Variants in ANO1 observed in about 807,000 individuals in gnomAD.
The protein encoded by ANO1 is anoctamin 1.
In ANO1, 59 loss-of-function variants were observed where a neutral mutation model predicts 124.0. That is an observed-to-expected ratio of 0.48 (90% CI 0.39 to 0.59). ANO1 has a LOEUF of 0.59. Among genes scored for constraint, ANO1 ranks in the 20% least tolerant of loss-of-function variants. The pLI is 0.00. For synonymous variants in ANO1, 529 were observed against 532.0 expected (o/e 0.99, Z 0.08); for missense variants, 1,059 against 1,328.0 (o/e 0.80, Z 3.15).
intron 1 of ANO1, among the ~76,000 whole-genome samples, chr11:70,047,278 T>C (rs1857276235): frequency 6.6e-6 from 1 of 151,996 alleles, no homozygotes; most frequent in Non-Finnish European, 1.5e-5. Flanking sequence ...TAAAGAAAAT[T>C]GGGTGTTGGG....
chr11:70,132,048 G>T lies in ANO1; in HGVS notation c.1227G>T (p.Thr409=), dbSNP rs374544085. ...RASHLFDNPA[T]VFFSVFMALW... ...GCCACCTCTTCGACAACCCCGCCAC[G>T]GTCTTCTTCTCTGTCTTCATGGCCC... Residue 409 remains threonine, a synonymous_variant, in exon 11 of 26, where the codon ACG becomes ACT. Transcript: ENST00000355303. 1 of 1,601,584 alleles carries T rather than the reference G, an allele frequency of 6.2e-7. No homozygotes were observed. The highest frequency in any genetic ancestry group is 1.7e-5 in the Admixed American group (1 of 59,332).
Position 70,078,841 on chromosome 11 carries a change from C to T in ANO1, c.108+127C>T, listed in dbSNP as rs902988607. On this transcript the variant is annotated intron_variant, in intron 1 of 25. Transcript: ENST00000355303. ...GGGGCCGCACCCTCCGCGCAGGGTT[C>T]GCGGCGCCCACCCGCGCACGTGCGT... 9.9e-6 allele frequency: 4 copies of T among 405,644 alleles called. No homozygotes were observed. In the Admixed American group the frequency reaches 1.7e-4, roughly 17 times the overall value. The allele number at this position is 405,644 out of a possible 1,614,324, so 25.1% of individuals were successfully genotyped here. A position where few individuals can be genotyped will look rare whatever the true frequency, so the allele number is the denominator to read the frequency against.
intron 8 of ANO1, among the ~76,000 whole-genome samples, chr11:70,123,790 G>A (rs1027894357): frequency 2.6e-5 from 4 of 152,088 alleles, no homozygotes; most frequent in Non-Finnish European, 5.9e-5. Flanking sequence ...TTTTTTACTA[G>A]CAGTCCTAAC....
At chr11:69,993,107 C>G (rs1312093980) in intron 1 of ANO1, among the ~76,000 whole-genome samples, 1 of 152,168 alleles carries the variant, frequency 6.6e-6, no homozygotes, top group Admixed American at 6.5e-5. Flanking sequence ...CCACACAACC[C>G]TGGGAATGCC....
At chr11:70,127,425 C>CT (rs1419744214) in intron 10 of ANO1, among the ~76,000 whole-genome samples, 1 of 152,220 alleles carries the variant, frequency 6.6e-6, no homozygotes, top group Non-Finnish European at 1.5e-5. Flanking sequence ...GATGTGCCTT[C>CT]TGCTGTTCAC....
chr11:70,078,486 C>A lies in ANO1; in HGVS notation c.-121C>A. Reference sequence around the variant, plus strand: ...GCCACGTCCCCGGCGGGCCTGGGCGCGGGGAGGCCCGGCCCCCTGCGAGCG... The same window carrying A: ...GCCACGTCCCCGGCGGGCCTGGGCGAGGGGAGGCCCGGCCCCCTGCGAGCG... On this transcript the variant is annotated 5_prime_UTR_variant, in exon 1 of 26. Transcript: ENST00000355303. 3.2e-6 allele frequency: 1 copy of A among 310,466 alleles called. No homozygotes were observed. Among genetic ancestry groups the A allele is most frequent in the Non-Finnish European group, 4.8e-6 (1 of 208,838 alleles). The allele number at this position is 310,466 out of a possible 1,614,324, so 19.2% of individuals were successfully genotyped here.
chr11:70,024,731 C>T (rs1277793425), intron 1 of ANO1, among the ~76,000 whole-genome samples: 3 of 152,238 alleles, frequency 2.0e-5, no homozygotes, highest in South Asian at 2.1e-4. Context: ...CTGCCTCTGT[C>T]TGGATGGTCA....
intron 2 of ANO1, 21 bp downstream of exon 2, chr11:70,088,105 T>G: frequency 1.0e-5 from 3 of 296,590 alleles, no homozygotes; most frequent in Non-Finnish European, 1.4e-5. Context: ...CACTGCGCGC[T>G]GTTTGTGGGG....
intron 23 of ANO1, among the ~76,000 whole-genome samples, chr11:70,180,420 C>T (rs1176184862): frequency 6.6e-6 from 1 of 152,076 alleles, no homozygotes; most frequent in African/African-American, 2.4e-5. Context: ...TTACAGGCAC[C>T]CACCACCACA....
At chr11:70,066,146 A>G (rs75341943) in intron 1 of ANO1, among the ~76,000 whole-genome samples, 2,232 of 152,322 alleles carry the variant, frequency 0.015, 55 homozygotes, top group African/African-American at 0.05. Flanking sequence ...GAATGAATGA[A>G]TGAATGAATG....
At chr11:70,140,057 C>T (rs2047095184) in intron 11 of ANO1, among the ~76,000 whole-genome samples, 1 of 152,342 alleles carries the variant, frequency 6.6e-6, no homozygotes, top group Non-Finnish European at 1.5e-5. Context: ...AAGGGCTCTA[C>T]ACCGGCTCTC....
intron 1 of ANO1, among the ~76,000 whole-genome samples, chr11:69,987,752 C>G (rs1285918519): frequency 2.0e-5 from 3 of 152,140 alleles, no homozygotes; most frequent in African/African-American, 4.8e-5. Flanking sequence ...AAACCGTTCC[C>G]TGTGCATGAG....
At chr11:70,083,555 C>T (rs1160872631) in intron 1 of ANO1, among the ~76,000 whole-genome samples, 1 of 152,132 alleles carries the variant, frequency 6.6e-6, no homozygotes, top group Non-Finnish European at 1.5e-5. Context: ...GATGGGGGTT[C>T]GTATTGAACC....
intron 1 of ANO1, among the ~76,000 whole-genome samples, chr11:70,035,076 T>C (rs550726980): frequency 1.3e-4 from 20 of 152,204 alleles, no homozygotes; most frequent in African/African-American, 4.6e-4. Flanking sequence ...GGTGCAGTGG[T>C]ACCACAGCCC....
At chr11:70,037,056 G>A (rs1484046448) in intron 1 of ANO1, among the ~76,000 whole-genome samples, 2 of 152,206 alleles carry the variant, frequency 1.3e-5, no homozygotes, top group Admixed American at 6.5e-5. Context: ...GACTTGTAGG[G>A]TTCCTTCCTC....
chr11:70,163,937 CAAA>C (rs1365021780), intron 19 of ANO1, among the ~76,000 whole-genome samples: 1 of 106,536 alleles, frequency 9.4e-6, no homozygotes, highest in African/African-American at 3.6e-5. Context: ...GGAACCATTT[CAAA>C]AAAAAAAAAA....
chr11:69,994,567 T>G (rs1426443854), intron 1 of ANO1, among the ~76,000 whole-genome samples: 4 of 152,210 alleles, frequency 2.6e-5, no homozygotes, highest in African/African-American at 9.6e-5. Flanking sequence ...ATGGCAATTT[T>G]TAATTTTCAC....
chr11:70,187,928 A>G lies in ANO1; in HGVS notation c.2885A>G (p.His962Arg). Residue 962 changes from histidine to arginine, a missense_variant, in exon 26 of 26, where the codon CAC becomes CGC. Coordinates refer to ENST00000355303, the MANE Select transcript of ANO1 (RefSeq NM_018043.7). ...ERQKDEPPCN[H>R]HNTKACPDSL... is the part of the protein sequence containing the mutation. ...CAGAAGGACGAGCCGCCGTGCAACC[A>G]CCACAACACCAAAGCCTGCCCAGAC... is the stretch of plus-strand genomic sequence containing the variant. The G allele has an allele frequency of 6.3e-7, 1 of 1,584,232 alleles. No individual in the cohort carries two copies.
intron 1 of ANO1, among the ~76,000 whole-genome samples, chr11:70,033,741 T>C (rs1267076335): frequency 6.6e-6 from 1 of 152,030 alleles, no homozygotes; most frequent in African/African-American, 2.4e-5. Flanking sequence ...AAATCAGACT[T>C]TATTGAAACA....
Sources: gnomAD v4.1 joint callset for allele counts (sites outside exome capture counted in the v4.1 genomes callset) on GRCh38, gnomAD v4.1.1 for gene constraint, MANE v1.5 for transcripts, NCBI Gene and HGNC (gene_info 2026-07-23, HGNC 2026-07-21) for gene names.